Variants in NOC3L observed in about 807,000 individuals in gnomAD.
NOC3L encodes the protein NOC3 like DNA replication regulator.
Under a neutral mutation model 102.5 loss-of-function variants are expected in NOC3L, and 85 were observed. The observed-to-expected ratio is 0.83, with a 90% CI of 0.70 to 0.99. The LOEUF is 0.99. Ranked by LOEUF, NOC3L falls within the 50% of genes least tolerant of loss-of-function variation. NOC3L has a pLI of 0.00. For missense variants in NOC3L, 878 were observed against 914.9 expected (o/e 0.96, Z 0.52); for synonymous variants, 303 against 309.4 (o/e 0.98, Z 0.22).
chr10:94,347,992 C>T (rs1329523050), intron 10 of NOC3L, among the ~76,000 whole-genome samples: 1 of 151,494 alleles, frequency 6.6e-6, no homozygotes, highest in Non-Finnish European at 1.5e-5. Context: ...CAATTATACC[C>T]TTTCTGATTA....
chr10:94,324,267 C>A, the NOC3L span: 1 of 1,121,066 alleles, frequency 8.9e-7, no homozygotes, highest in African/African-American at 1.5e-5. Flanking sequence ...GGCCATTTTT[C>A]CACCTTAAAG....
the NOC3L span, among the ~76,000 whole-genome samples, chr10:94,319,315 T>A: frequency 6.6e-6 from 1 of 152,158 alleles, no homozygotes; most frequent in Non-Finnish European, 1.5e-5. Flanking sequence ...CAAATAATAA[T>A]TGCTGATTGA....
In NOC3L at chr10:94,352,391, TTTC is replaced by T; in HGVS notation, c.868_870del (p.Glu290del). On this transcript the variant is annotated inframe_deletion, in exon 8 of 21. Coordinates refer to ENST00000371361, the MANE Select transcript of NOC3L (RefSeq NM_022451.11). ...TCTTCAAATTCTCTTAACTTCTGGG[TTTC>T]TTTTCGGGTCTGAAAAGACCAAAAA... The T allele has an allele frequency of 6.2e-7, 1 of 1,613,102 alleles. No homozygotes were observed. The highest frequency in any genetic ancestry group is 1.1e-5 in the South Asian group (1 of 90,848).
At chr10:94,329,799 A>AAAAC (rs2054136911), downstream of NOC3L, 1 of 148,390 alleles carries the variant, frequency 6.7e-6, no homozygotes, top group Non-Finnish European at 1.5e-5. Flanking sequence ...AAAAAAAAAA[A>AAAAC]AAAAAAAAAA....
intron 1 of NOC3L, 129 bp downstream of exon 1, chr10:94,362,701 G>A: frequency 1.0e-6 from 1 of 958,362 alleles, no homozygotes; most frequent in Non-Finnish European, 1.7e-6. Flanking sequence ...GTAAGGAATG[G>A]AAAGCCCCCA....
chr10:94,338,327 A>G (rs1051844682), intron 18 of NOC3L, among the ~76,000 whole-genome samples: 2 of 152,194 alleles, frequency 1.3e-5, no homozygotes, highest in African/African-American at 4.8e-5. Flanking sequence ...GAAGAGTGTT[A>G]GGGAAAGATT....
chr10:94,349,048 A>AT (rs2054382571), intron 10 of NOC3L, among the ~76,000 whole-genome samples: 1 of 152,166 alleles, frequency 6.6e-6, no homozygotes, highest in Non-Finnish European at 1.5e-5. Context: ...ATATATGACT[A>AT]TATCTGCAAA....
rs530627717 is a variant in NOC3L at position 94,362,123 on chromosome 10, G to T, written c.10-251C>A. On this transcript the variant is annotated intron_variant, in intron 1 of 20. Transcript: ENST00000371361. ...ATCCCCAAACAGGTTAAGAACCACTGATCTAGTAGTGGTAAGTGGCTATTC... is the reference window on the plus strand; with the variant it reads ...ATCCCCAAACAGGTTAAGAACCACTTATCTAGTAGTGGTAAGTGGCTATTC... Among the ~76,000 whole-genome samples, 327 of 152,294 alleles carry T rather than the reference G, an allele frequency of 2.1e-3. 3 individuals are homozygous for T. Among genetic ancestry groups the T allele is most frequent in the African/African-American group, 7.5e-3 (313 of 41,558 alleles).
chr10:94,322,430 C>T, the NOC3L span, among the ~76,000 whole-genome samples: 1 of 151,836 alleles, frequency 6.6e-6, no homozygotes, highest in Non-Finnish European at 1.5e-5. Context: ...GGGGGCAGAT[C>T]ACTTGAGCTC....
chr10:94,333,614 G>C lies in NOC3L; in HGVS notation c.*563C>G, dbSNP rs1428673708. 2 of 152,062 alleles carry C rather than the reference G, an allele frequency of 1.3e-5. No individual in the cohort carries two copies. Among genetic ancestry groups the C allele is most frequent in the African/African-American group, 4.8e-5 (2 of 41,398 alleles). 9.4% of individuals were successfully genotyped at this position (152,062 alleles called of 1,614,324 possible). On this transcript the variant is annotated 3_prime_UTR_variant, in exon 21 of 21. Coordinates refer to ENST00000371361, the MANE Select transcript of NOC3L (RefSeq NM_022451.11). Reference sequence around the variant, plus strand: ...CACCTTTTTTAAAAGGCCAAATTAGGTAACTTCTTTAGGTGGATCATCCAG... The same window carrying C: ...CACCTTTTTTAAAAGGCCAAATTAGCTAACTTCTTTAGGTGGATCATCCAG...
rs1220107555 is a variant in NOC3L at position 94,355,234 on chromosome 10, A to G, written c.566-141T>C. ...ACTACTACACATCATCTCCTCAACA[A>G]TACAGGTACTATCATTGGACCCATT... On this transcript the variant is annotated intron_variant, in intron 5 of 20. Coordinates refer to ENST00000371361, the MANE Select transcript of NOC3L (RefSeq NM_022451.11). 2.5e-5 allele frequency: 15 copies of G among 604,242 alleles called. No homozygotes were observed. The South Asian group carries it at 3.9e-4, about 16-fold the overall frequency. 37.4% of individuals were successfully genotyped at this position (604,242 alleles called of 1,614,324 possible). A position where few individuals can be genotyped will look rare whatever the true frequency, so the allele number is the denominator to read the frequency against.
At chr10:94,336,522 A>G (rs1262007096) in intron 19 of NOC3L, among the ~76,000 whole-genome samples, 1 of 151,420 alleles carries the variant, frequency 6.6e-6, no homozygotes, top group Non-Finnish European at 1.5e-5. Context: ...TAATTTTTGT[A>G]TTTTTAGTAG....
intron 19 of NOC3L, among the ~76,000 whole-genome samples, chr10:94,335,833 G>A (rs1018466638): frequency 5.9e-5 from 9 of 151,990 alleles, no homozygotes; most frequent in East Asian, 3.9e-4. Context: ...GCTTGCAAAC[G>A]GAAAAAACCT....
chr10:94,345,580 T>A (rs1385697759), intron 11 of NOC3L, among the ~76,000 whole-genome samples: 3 of 152,178 alleles, frequency 2.0e-5, no homozygotes, highest in East Asian at 3.8e-4. Flanking sequence ...TTCTTATTGG[T>A]CTTTGTTTCC....
In NOC3L at chr10:94,352,399, C is replaced by T. The variant is rs752273305; in HGVS notation, c.863G>A (p.Arg288Gln). 1.9e-5 allele frequency: 30 copies of T among 1,611,448 alleles called. No homozygotes were observed. The highest frequency in any genetic ancestry group is 2.3e-5 in the Non-Finnish European group (27 of 1,178,560). ...LTEAEKSTKT[R>Q]KETQKLREFE... is the part of the protein sequence containing the mutation. ...TTCTCTTAACTTCTGGGTTTCTTTT[C>T]GGGTCTGAAAAGACCAAAAAGGTCA... The change falls in exon 8 of 21, where the codon CGA (arginine) becomes CAA (glutamine). Residue 288 changes from arginine to glutamine, a missense_variant. By Grantham distance (43) the Arg-to-Gln change is conservative (BLOSUM62 1). Transcript: ENST00000371361.
At position 94,349,469 on chromosome 10, in the gene NOC3L, T is replaced by C. The variant is rs533123375; in HGVS notation, c.1129-91A>G. 4 of 1,123,200 alleles carry C rather than the reference T, an allele frequency of 3.6e-6. No individual in the cohort carries two copies. The African/African-American group carries it at 6.5e-5, about 18-fold the overall frequency. 69.6% of individuals were successfully genotyped at this position (1,123,200 alleles called of 1,614,324 possible). ...ACAGAATTCTTTGTTGTAGGGGGAC[T>C]GTCCTAGGATGTTTAAAAGCCTCCA... On this transcript the variant is annotated intron_variant, in intron 9 of 20. Coordinates refer to ENST00000371361, the MANE Select transcript of NOC3L (RefSeq NM_022451.11).
At chr10:94,356,754 C>CT (rs1195075191) in intron 4 of NOC3L, among the ~76,000 whole-genome samples, 163 bp from the exon 5 acceptor site, 5 of 152,102 alleles carry the variant, frequency 3.3e-5, no homozygotes. Flanking sequence ...ATTCTGGAAG[C>CT]TAGCAGTAGT....
rs1236428918 is a variant in NOC3L at position 94,346,474 on chromosome 10, A to T, written c.1340T>A (p.Phe447Tyr). ...DTEDINKPKK[F>Y]MTFKEKRKSL... The stretch of plus-strand genomic sequence containing the variant: ...TTTTCTCTTTTCTTTGAAAGTCATA[A>T]ATTTTTTTGGTTTATTAATGTCTTC... Residue 447 changes from phenylalanine to tyrosine, a missense_variant, in exon 11 of 21, where the codon TTT (phenylalanine) becomes TAT (tyrosine). Transcript: ENST00000371361. 1 of 1,514,044 alleles carries T rather than the reference A, an allele frequency of 6.6e-7. No individual in the cohort carries two copies. The highest frequency in any genetic ancestry group is 2.5e-5 in the East Asian group (1 of 39,888). The allele number at this position is 1,514,044 out of a possible 1,614,324, so 93.8% of individuals were successfully genotyped here.
the NOC3L span, among the ~76,000 whole-genome samples, chr10:94,318,179 C>T: frequency 6.6e-6 from 1 of 152,126 alleles, no homozygotes; most frequent in South Asian, 2.1e-4. Context: ...GTAATTGTCT[C>T]CCCAGCCTTC....
Sources: gnomAD v4.1 joint callset for allele counts (sites outside exome capture counted in the v4.1 genomes callset) on GRCh38, gnomAD v4.1.1 for gene constraint, MANE v1.5 for transcripts, NCBI Gene and HGNC (gene_info 2026-07-23, HGNC 2026-07-21) for gene names.